Variants in CTDSPL2 observed in about 807,000 individuals in gnomAD.
The protein encoded by CTDSPL2 is CTD small phosphatase like 2.
Under a neutral mutation model 60.0 loss-of-function variants are expected in CTDSPL2, and 5 were observed. The ratio of observed to expected loss-of-function variants is 0.08; its 90% confidence interval spans 0.04 to 0.18. The LOEUF (loss-of-function observed/expected upper bound fraction) is 0.18, where lower values mean the gene tolerates loss of function less well. Ranked by LOEUF, CTDSPL2 falls within the 10% of genes least tolerant of loss-of-function variation. The pLI, the probability that CTDSPL2 is intolerant of heterozygous loss-of-function variation, is 1.00. For synonymous variants in CTDSPL2, 186 were observed against 189.3 expected, an observed-to-expected ratio of 0.98 and a Z score of 0.14; for missense variants, 370 against 548.8, an observed-to-expected ratio of 0.67 and a Z score of 3.26.
chr15:44,436,728 T>C (rs1378338556), intron 1 of CTDSPL2, among the ~76,000 whole-genome samples: 1 of 152,250 alleles, frequency 6.6e-6, no homozygotes, highest in Non-Finnish European at 1.5e-5. Flanking sequence ...ACTGTAAATA[T>C]ACATAAAGTT....
Position 44,490,793 on chromosome 15 carries a change from G to T in CTDSPL2, c.485G>T (p.Gly162Val). 6.2e-7 allele frequency: 1 copy of T among 1,612,396 alleles called. No individual in the cohort carries two copies. The highest frequency in any genetic ancestry group is 1.1e-5 in the South Asian group (1 of 90,986). ...FSPANKNGTS[G>V]SDSPGQAVEA... ...TGAATCATGATTTCAGGAACGTCAGGATCAGATTCTCCAGGACAGGCTGTG... is the reference window on the plus strand; with the variant it reads ...TGAATCATGATTTCAGGAACGTCAGTATCAGATTCTCCAGGACAGGCTGTG... Residue 162 changes from glycine to valine, a missense_variant, in exon 5 of 13, where the codon GGA becomes GTA. By Grantham distance (109) the Gly-to-Val change is moderately radical. This residue lies in a region of CTDSPL2 where 287 missense variants were observed against 296.1 expected (regional missense o/e 0.97). Transcript: ENST00000260327.
intron 2 of CTDSPL2, among the ~76,000 whole-genome samples, chr15:44,461,980 T>C (rs1436095543): frequency 2.0e-5 from 3 of 152,170 alleles, no homozygotes; most frequent in Non-Finnish European, 4.4e-5. Flanking sequence ...TTCATTCCCA[T>C]TGCCCAGGCT....
chr15:44,449,570 G>A (rs546196324), intron 1 of CTDSPL2, among the ~76,000 whole-genome samples: 1 of 152,220 alleles, frequency 6.6e-6, no homozygotes, highest in South Asian at 2.1e-4. Flanking sequence ...AGCTCAGGCA[G>A]TCCGCCCACC....
chr15:44,514,951 A>G, intron 10 of CTDSPL2, 107 bp downstream of exon 10: 2 of 646,526 alleles, frequency 3.1e-6, no homozygotes, highest in Non-Finnish European at 5.4e-6. Flanking sequence ...TATGTGTTGA[A>G]TGGTGAATAT....
chr15:44,519,107 T>C (rs973446457), intron 10 of CTDSPL2, 62 bp from the exon 11 acceptor site: 2 of 1,121,886 alleles, frequency 1.8e-6, no homozygotes, highest in African/African-American at 1.6e-5. Flanking sequence ...TATATATATG[T>C]GTATATGTTC....
chr15:44,494,246 T>A (rs1273065916), intron 5 of CTDSPL2, among the ~76,000 whole-genome samples: 1 of 152,184 alleles, frequency 6.6e-6, no homozygotes, highest in Non-Finnish European at 1.5e-5. Context: ...GGGAATGAAC[T>A]ATGGCATGCA....
At chr15:44,428,374 G>A (rs1361482905) in intron 1 of CTDSPL2, among the ~76,000 whole-genome samples, 1 of 152,224 alleles carries the variant, frequency 6.6e-6, no homozygotes, top group Non-Finnish European at 1.5e-5. Context: ...GTCAGTTAAA[G>A]AGTGAACCTT....
intron 6 of CTDSPL2, 118 bp from the exon 7 acceptor site, chr15:44,496,909 T>C: frequency 1.8e-6 from 1 of 551,006 alleles, no homozygotes; most frequent in East Asian, 3.0e-5. Context: ...TTAATATGTT[T>C]TATAAGTTTT....
intron 1 of CTDSPL2, among the ~76,000 whole-genome samples, chr15:44,456,125 C>T (rs867856883): frequency 3.3e-5 from 5 of 152,244 alleles, no homozygotes; most frequent in Middle Eastern, 3.4e-3. Context: ...GCTGGGATTA[C>T]AGGCGTGAGC....
intron 1 of CTDSPL2, among the ~76,000 whole-genome samples, chr15:44,442,487 A>G (rs902486295): frequency 1.6e-4 from 24 of 151,886 alleles, no homozygotes; most frequent in African/African-American, 5.8e-4. Context: ...AAAGTCTGGA[A>G]TTAAGATGAA....
rs540771010 is a variant in CTDSPL2, at chr15:44,478,021, A to G, written c.187-6203A>G. Among the ~76,000 whole-genome samples the G allele has an allele frequency of 3.9e-5, 6 of 152,226 alleles. No homozygotes were observed. The East Asian group carries it at 9.6e-4, about 24-fold the overall frequency. On this transcript the variant is annotated intron_variant, in intron 2 of 12. Coordinates refer to ENST00000260327, the MANE Select transcript of CTDSPL2 (RefSeq NM_016396.3). ...TTATGTCTACATTTTTTGAGCACAT[A>G]CTCATTACATGCTATCCTTTATTCA...
At chr15:44,436,215 T>G (rs1211767622) in intron 1 of CTDSPL2, among the ~76,000 whole-genome samples, 1 of 152,182 alleles carries the variant, frequency 6.6e-6, no homozygotes, top group East Asian at 1.9e-4. Context: ...TAATGTAAAT[T>G]TAGTAATCAT....
Position 44,490,811 on chromosome 15 carries a change from A to G in CTDSPL2, c.503A>G (p.Gln168Arg). 2.5e-6 allele frequency: 4 copies of G among 1,613,084 alleles called. No homozygotes were observed. Among genetic ancestry groups the G allele is most frequent in the Non-Finnish European group, 3.4e-6 (4 of 1,179,916 alleles). ...ACGTCAGGATCAGATTCTCCAGGAC[A>G]GGCTGTGGAAGCTGAAGAAATAGTA... is the stretch of plus-strand genomic sequence containing the variant. ...NGTSGSDSPGQAVEAEEIVKQ... is the reference protein window; with the variant it reads ...NGTSGSDSPGRAVEAEEIVKQ... The change falls in exon 5 of 13, where the codon CAG (glutamine) becomes CGG (arginine). Residue 168 changes from glutamine (Q) to arginine (R), a missense_variant. By Grantham distance (43) the Gln-to-Arg change is conservative. Around this residue, in one of 6 missense-constraint regions of CTDSPL2, gnomAD observed 287 missense variants for 296.1 expected, o/e 0.97. Coordinates refer to ENST00000260327, the MANE Select transcript of CTDSPL2 (RefSeq NM_016396.3).
At chr15:44,452,293 T>TTATTAAA (rs2080348721) in intron 1 of CTDSPL2, among the ~76,000 whole-genome samples, 1 of 152,204 alleles carries the variant, frequency 6.6e-6, no homozygotes, top group Non-Finnish European at 1.5e-5. Context: ...TTTAATGATG[T>TTATTAAA]TATTAAATAT....
intron 2 of CTDSPL2, among the ~76,000 whole-genome samples, chr15:44,467,514 G>A (rs1333931926): frequency 1.3e-5 from 2 of 151,838 alleles, no homozygotes; most frequent in Non-Finnish European, 2.9e-5. Flanking sequence ...TTATTTTGTT[G>A]TTGAGTTTTC....
At chr15:44,511,883 A>AG (rs1412337269) in intron 8 of CTDSPL2, among the ~76,000 whole-genome samples, 2 of 150,948 alleles carry the variant, frequency 1.3e-5, no homozygotes, top group African/African-American at 4.9e-5. Context: ...AAAAAAAAAA[A>AG]AAAAAAAAAG....
At chr15:44,462,264 A>T (rs938326552) in intron 2 of CTDSPL2, among the ~76,000 whole-genome samples, 1 of 152,152 alleles carries the variant, frequency 6.6e-6, no homozygotes, top group Admixed American at 6.6e-5. Flanking sequence ...GTGTTAAATT[A>T]TACTTTTTGT....
At chr15:44,509,504 G>C (rs1373481016) in intron 8 of CTDSPL2, among the ~76,000 whole-genome samples, 2 of 152,132 alleles carry the variant, frequency 1.3e-5, no homozygotes, top group Non-Finnish European at 2.9e-5. Flanking sequence ...ACCACGCCCA[G>C]CCAATGACTA....
chr15:44,432,718 C>T (rs1166086880), intron 1 of CTDSPL2, among the ~76,000 whole-genome samples: 1 of 152,000 alleles, frequency 6.6e-6, no homozygotes, highest in East Asian at 1.9e-4. Context: ...CTCCCAGATT[C>T]AAGTGATTCT....
Sources: allele counts gnomAD v4.1 joint callset (sites outside exome capture counted in the v4.1 genomes callset), GRCh38; gene constraint gnomAD v4.1.1; regional missense constraint gnomAD v4.1.1; transcripts MANE v1.5; gene names NCBI Gene and HGNC (gene_info 2026-07-23, HGNC 2026-07-21).